Variants in ERC1 observed in about 807,000 individuals in gnomAD.
The protein encoded by ERC1 is ELKS/RAB6-interacting/CAST family member 1.
A neutral mutation model predicts 132.0 loss-of-function variants in ERC1; 56 were observed. The ratio of observed to expected loss-of-function variants is 0.42; its 90% CI spans 0.34 to 0.53. ERC1 has a LOEUF of 0.53. Ranked by LOEUF, ERC1 falls within the 20% of genes least tolerant of loss-of-function variation. The pLI is 0.03. For missense variants in ERC1, 1,202 were observed against 1,349.9 expected (o/e 0.89, Z 1.72); for synonymous variants, 478 against 476.1 (o/e 1.00, Z -0.05).
At chr12:1,311,253 G>A (rs575183626) in intron 15 of ERC1, among the ~76,000 whole-genome samples, 4 of 152,262 alleles carry the variant, frequency 2.6e-5, no homozygotes, top group East Asian at 3.9e-4. Context: ...TCTAAGAGCC[G>A]TAAAACAGAC....
At chr12:1,170,624 A>T (rs1369657046) in intron 8 of ERC1, among the ~76,000 whole-genome samples, 2 of 152,216 alleles carry the variant, frequency 1.3e-5, no homozygotes, top group African/African-American at 4.8e-5. Flanking sequence ...TGCTGACTAG[A>T]TAGAAAAAGA....
chr12:1,158,136 TTC>T (rs932678724), intron 8 of ERC1, among the ~76,000 whole-genome samples: 1 of 152,256 alleles, frequency 6.6e-6, no homozygotes, highest in Non-Finnish European at 1.5e-5. Flanking sequence ...TTTTAAAACT[TTC>T]TGTGTCTTGA....
chr12:1,180,418 T>C (rs756149464), intron 8 of ERC1, 122 bp from the exon 9 acceptor site: 10 of 800,076 alleles, frequency 1.2e-5, no homozygotes, highest in Non-Finnish European at 1.5e-5. Flanking sequence ...AAATGATTTC[T>C]ACAGAATGCA....
chr12:1,407,833 C>T (rs999641293), intron 16 of ERC1, among the ~76,000 whole-genome samples: 3 of 152,022 alleles, frequency 2.0e-5, no homozygotes, highest in Non-Finnish European at 2.9e-5. Context: ...CTTCTTCTTA[C>T]GAAGCCCAGT....
chr12:1,259,400 C>T (rs1450763839), intron 13 of ERC1, among the ~76,000 whole-genome samples: 2 of 151,714 alleles, frequency 1.3e-5, no homozygotes, highest in Non-Finnish European at 2.9e-5. Flanking sequence ...ATAATTATAT[C>T]TAGGTCTACA....
intron 7 of ERC1, among the ~76,000 whole-genome samples, chr12:1,124,534 C>G (rs940806846): frequency 4.0e-5 from 6 of 151,878 alleles, no homozygotes; most frequent in African/African-American, 1.5e-4. Flanking sequence ...AGGGAAATAG[C>G]TAGTTTTTAA....
chr12:1,255,173 C>G (rs892879398), intron 13 of ERC1, among the ~76,000 whole-genome samples: 1 of 151,828 alleles, frequency 6.6e-6, no homozygotes, highest in Non-Finnish European at 1.5e-5. Context: ...TCAACTCCCA[C>G]TTATGAGTGA....
At chr12:1,065,271 G>T (rs1210761456) in intron 2 of ERC1, among the ~76,000 whole-genome samples, 1 of 152,162 alleles carries the variant, frequency 6.6e-6, no homozygotes, top group African/African-American at 2.4e-5. Context: ...AAAGTGCTGG[G>T]ATTACAGGTG....
intron 17 of ERC1, among the ~76,000 whole-genome samples, chr12:1,424,865 GAT>G (rs2092579389): frequency 2.3e-5 from 1 of 43,100 alleles, no homozygotes; most frequent in African/African-American, 9.6e-5. Flanking sequence ...TAGATAGATC[GAT>G]AGATAGATAG....
intron 7 of ERC1, among the ~76,000 whole-genome samples, chr12:1,130,560 G>A (rs980430718): frequency 3.3e-5 from 5 of 151,756 alleles, no homozygotes; most frequent in African/African-American, 1.2e-4. Flanking sequence ...TGTCTGCTAT[G>A]AGTTTTCAAG....
At chr12:1,003,020 G>A (rs1406641596) in intron 1 of ERC1, among the ~76,000 whole-genome samples, 2 of 146,596 alleles carry the variant, frequency 1.4e-5, no homozygotes, top group African/African-American at 5.0e-5. Flanking sequence ...GGATGCTGAG[G>A]AGGGTGGATT....
chr12:1,283,409 G>C (rs770842582), intron 14 of ERC1, among the ~76,000 whole-genome samples: 1 of 152,110 alleles, frequency 6.6e-6, no homozygotes, highest in Non-Finnish European at 1.5e-5. Context: ...CGTTTCTCTG[G>C]CTGTACCCAA....
At chr12:1,095,711 C>CTT (rs946292809) in intron 3 of ERC1, among the ~76,000 whole-genome samples, 26 of 152,234 alleles carry the variant, frequency 1.7e-4, no homozygotes, top group African/African-American at 6.3e-4. Context: ...TCTTCTCTCT[C>CTT]TATTGACAAT....
intron 16 of ERC1, among the ~76,000 whole-genome samples, chr12:1,393,828 C>CCATCCCAGCTAA (rs1443036084): frequency 6.7e-6 from 1 of 149,906 alleles, no homozygotes; most frequent in East Asian, 2.0e-4. Context: ...GAGATTGAGA[C>CCATCCCAGCTAA]CACGGTGAAA....
rs534313156 is a variant in ERC1 at position 1,471,349 on chromosome 12, TATCTC to T, written c.3214-18742_3214-18738del. Among the ~76,000 whole-genome samples the T allele has an allele frequency of 1.5e-3, 224 of 152,312 alleles. 1 individual carries two copies. Among genetic ancestry groups the T allele is most frequent in the African/African-American group, 5.2e-3 (216 of 41,562 alleles). On this transcript the variant is annotated intron_variant, in intron 18 of 18. Coordinates refer to ENST00000360905, the MANE Select transcript of ERC1 (RefSeq NM_178040.4). ...ACTATCACGTAGAAAAAACTGAAATTATCTCAGCTAGGGAAGAATGCTTTAGGCAG... is the reference window on the plus strand; with the variant it reads ...ACTATCACGTAGAAAAAACTGAAATTAGCTAGGGAAGAATGCTTTAGGCAG...
intron 4 of ERC1, among the ~76,000 whole-genome samples, chr12:1,108,104 T>C (rs1945456453): frequency 6.6e-6 from 1 of 152,150 alleles, no homozygotes; most frequent in African/African-American, 2.4e-5. Flanking sequence ...TAGTTGAGAG[T>C]ATCAGGCCTT....
rs1360133394 is a variant in ERC1 at position 1,418,655 on chromosome 12, C to CTTT, written c.3024+10409_3024+10410insTTT. Among the ~76,000 whole-genome samples, 636 of 124,224 alleles carry CTTT rather than the reference C, an allele frequency of 5.1e-3. 9 individuals carry two copies. The highest frequency in any genetic ancestry group is 6.8e-3 in the Admixed American group (80 of 11,808). The allele number at this position is 124,224 out of a possible 152,430, so 81.5% of individuals were successfully genotyped here. ...TCTTTCTTTCTTTCTCTCTCTCTCT[C>CTTT]TCTCTCTTTCTTTTCTTTCTTTCTT... On this transcript the variant is annotated intron_variant, in intron 17 of 18. Coordinates refer to ENST00000360905, the MANE Select transcript of ERC1 (RefSeq NM_178040.4).
upstream of ERC1, chr12:990,717 G>C (rs1339844339): frequency 6.6e-6 from 1 of 152,256 alleles, no homozygotes; most frequent in Non-Finnish European, 1.5e-5. Context: ...CCCCCCAGCA[G>C]CCAGGGTCGA....
intron 2 of ERC1, among the ~76,000 whole-genome samples, chr12:1,067,812 A>G (rs889459093): frequency 1.3e-5 from 2 of 151,962 alleles, no homozygotes; most frequent in Admixed American, 6.6e-5. Flanking sequence ...ATAGTTCTCT[A>G]TTTATCATGA....
Sources: allele counts gnomAD v4.1 joint callset (sites outside exome capture counted in the v4.1 genomes callset), GRCh38; gene constraint gnomAD v4.1.1; transcripts MANE v1.5; gene names NCBI Gene and HGNC (gene_info 2026-07-23, HGNC 2026-07-21).